CDH8: variants seen among roughly 807,000 people sequenced by gnomAD.
The protein encoded by CDH8 is cadherin-8.
A neutral mutation model predicts 68.1 loss-of-function variants in CDH8; 17 were observed. The observed-to-expected ratio is 0.25, with a 90% CI of 0.17 to 0.37. The LOEUF (loss-of-function observed/expected upper bound fraction) is 0.37. CDH8 is among the 10% of genes least tolerant of loss of function. CDH8 has a pLI of 1.00. For missense variants in CDH8, 763 were observed against 999.3 expected (o/e 0.76, Z 3.19); for synonymous variants, 372 against 365.1 (o/e 1.02, Z -0.21).
Position 61,653,397 on chromosome 16 carries a change from A to AATTCACACTCCACAAGATTTAT in CDH8, c.*189_*210dup, listed in dbSNP as rs1275606855. ...GGACTTCTAGACACTCCACATACTT[A>AATTCACACTCCACAAGATTTAT]ATTCACACTCCACAAGATTTATAAC... is the stretch of plus-strand genomic sequence containing the variant. On this transcript the variant is annotated 3_prime_UTR_variant, in exon 12 of 12. Coordinates refer to ENST00000577390, the MANE Select transcript of CDH8 (RefSeq NM_001796.5). The AATTCACACTCCACAAGATTTAT allele has an allele frequency of 1.1e-5, 15 of 1,360,166 alleles. No homozygotes were observed. The highest frequency in any genetic ancestry group is 1.0e-4 in the Admixed American group (3 of 28,716). 84.3% of individuals were successfully genotyped at this position (1,360,166 alleles called of 1,614,324 possible).
chr16:61,714,243 G>A, intron 9 of CDH8: 1 of 327,234 alleles, frequency 3.1e-6, no homozygotes, highest in Non-Finnish European at 5.6e-6. Flanking sequence ...ATATCCACTG[G>A]GCAATTACAG....
intron 3 of CDH8, among the ~76,000 whole-genome samples, chr16:61,879,684 T>C (rs1016253466): frequency 6.6e-6 from 1 of 152,150 alleles, no homozygotes. Flanking sequence ...AGAGAGAACG[T>C]TTCTCATTTT....
intron 2 of CDH8, among the ~76,000 whole-genome samples, chr16:62,017,712 C>A (rs1901975495): frequency 6.6e-6 from 1 of 152,130 alleles, no homozygotes; most frequent in African/African-American, 2.4e-5. Flanking sequence ...AACTTCATTC[C>A]ATTTCAACAG....
intron 2 of CDH8, among the ~76,000 whole-genome samples, chr16:61,962,671 T>C (rs1053082832): frequency 2.0e-5 from 3 of 152,192 alleles, no homozygotes; most frequent in Non-Finnish European, 2.9e-5. Context: ...CTTCTGTTTT[T>C]GTAACAAAAG....
chr16:61,975,048 T>C (rs1376551779), intron 2 of CDH8, among the ~76,000 whole-genome samples: 8 of 152,162 alleles, frequency 5.3e-5, no homozygotes, highest in Admixed American at 5.2e-4. Flanking sequence ...AAAAGATGTG[T>C]ATGACCTGAA....
chr16:61,851,305 C>A (rs2143012799), intron 4 of CDH8, among the ~76,000 whole-genome samples: 1 of 151,876 alleles, frequency 6.6e-6, no homozygotes, highest in South Asian at 2.1e-4. Context: ...TCCACAGAGA[C>A]AAATGTTGTT....
At chr16:61,777,130 G>T (rs949861047) in intron 8 of CDH8, among the ~76,000 whole-genome samples, 1 of 152,030 alleles carries the variant, frequency 6.6e-6, no homozygotes, top group African/African-American at 2.4e-5. Flanking sequence ...TCAACTGCTG[G>T]ACTGATAACT....
intron 8 of CDH8, among the ~76,000 whole-genome samples, chr16:61,778,924 A>G (rs1237138787): frequency 6.6e-6 from 1 of 152,174 alleles, no homozygotes; most frequent in Non-Finnish European, 1.5e-5. Flanking sequence ...GGAAAAAACA[A>G]TCCTTAAGTG....
intron 8 of CDH8, among the ~76,000 whole-genome samples, chr16:61,761,892 C>T (rs1324375578): frequency 6.6e-6 from 1 of 151,922 alleles, no homozygotes; most frequent in Non-Finnish European, 1.5e-5. Context: ...CTCAGCTACT[C>T]GGGAGGCTGA....
chr16:62,027,843 C>A (rs114497968), intron 1 of CDH8, among the ~76,000 whole-genome samples: 1 of 152,078 alleles, frequency 6.6e-6, no homozygotes, highest in African/African-American at 2.4e-5. Context: ...AATTCTCTAA[C>A]CAGATTCCCT....
At chr16:61,946,007 G>C (rs1343764854) in intron 2 of CDH8, among the ~76,000 whole-genome samples, 2 of 152,158 alleles carry the variant, frequency 1.3e-5, no homozygotes, top group Non-Finnish European at 2.9e-5. Flanking sequence ...AGGCAGAATG[G>C]ATTTTGGCAT....
At chr16:61,781,695 A>AT (rs766304062) in intron 8 of CDH8, among the ~76,000 whole-genome samples, 5 of 152,276 alleles carry the variant, frequency 3.3e-5, no homozygotes, top group Non-Finnish European at 5.9e-5. Flanking sequence ...AGAAGACTGG[A>AT]TTTTTTTGAG....
At chr16:61,913,572 A>C (rs537283864) in intron 2 of CDH8, among the ~76,000 whole-genome samples, 2 of 152,190 alleles carry the variant, frequency 1.3e-5, no homozygotes, top group African/African-American at 4.8e-5. Flanking sequence ...ATTAAATGCT[A>C]ATAATATAGC....
intron 2 of CDH8, among the ~76,000 whole-genome samples, chr16:61,933,022 G>A (rs369297294): frequency 7.2e-5 from 11 of 152,056 alleles, no homozygotes; most frequent in Non-Finnish European, 8.8e-5. Context: ...AGGGATAACC[G>A]CCCTTATTAA....
intron 8 of CDH8, among the ~76,000 whole-genome samples, chr16:61,739,531 A>G (rs1387005966): frequency 1.3e-5 from 2 of 151,960 alleles, no homozygotes; most frequent in African/African-American, 2.4e-5. Context: ...AAATCAATCT[A>G]TATGTAATAT....
At chr16:61,661,951 GT>G (rs1216428431) in intron 10 of CDH8, among the ~76,000 whole-genome samples, 1 of 150,648 alleles carries the variant, frequency 6.6e-6, no homozygotes, top group African/African-American at 2.4e-5. Flanking sequence ...CCTTTACTTT[GT>G]TTCTGATTTT....
intron 10 of CDH8, among the ~76,000 whole-genome samples, chr16:61,709,525 A>G (rs868351014): frequency 6.6e-6 from 1 of 152,152 alleles, no homozygotes; most frequent in Non-Finnish European, 1.5e-5. Flanking sequence ...GGCTGATGGT[A>G]GTCAAAAATG....
intron 8 of CDH8, among the ~76,000 whole-genome samples, chr16:61,782,718 C>T (rs1428447666): frequency 6.6e-6 from 1 of 152,184 alleles, no homozygotes; most frequent in Non-Finnish European, 1.5e-5. Flanking sequence ...AGCAGTGGGT[C>T]TCCCAGCATG....
chr16:61,772,490 T>A (rs1023550061), intron 8 of CDH8, among the ~76,000 whole-genome samples: 2 of 152,062 alleles, frequency 1.3e-5, no homozygotes, highest in African/African-American at 2.4e-5. Flanking sequence ...GCAGTTATTG[T>A]GAAAATTAAA....
Sources: gnomAD v4.1 joint callset for allele counts (sites outside exome capture counted in the v4.1 genomes callset) on GRCh38, gnomAD v4.1.1 for gene constraint, MANE v1.5 for transcripts, NCBI Gene and HGNC (gene_info 2026-07-23, HGNC 2026-07-21) for gene names.